METTL14: variants seen among roughly 807,000 people sequenced by gnomAD.
METTL14 encodes the protein methyltransferase 14, N6-adenosine-methyltransferase non-catalytic subunit.
In METTL14, 32 loss-of-function variants were observed where a neutral mutation model predicts 62.4. The observed-to-expected ratio is 0.51, with a 90% CI of 0.39 to 0.69. The LOEUF (loss-of-function observed/expected upper bound fraction) is 0.69. Among genes scored for constraint, METTL14 ranks in the 30% least tolerant of loss-of-function variants. METTL14 has a pLI of 0.00. For synonymous variants in METTL14, 150 were observed against 180.0 expected, an observed-to-expected ratio of 0.83 and a Z score of 1.34; for missense variants, 340 against 551.9, an observed-to-expected ratio of 0.62 and a Z score of 3.85.
In METTL14 at chr4:118,712,733, ATCAGCATG is replaced by A. The variant is rs1444655968; in HGVS notation, c.*2434_*2441del. 6.6e-6 allele frequency: 1 copy of A among 152,174 alleles called. No individual in the cohort carries two copies. Among genetic ancestry groups the A allele is most frequent in the Non-Finnish European group, 1.5e-5 (1 of 68,028 alleles). 9.4% of individuals were successfully genotyped at this position (152,174 alleles called of 1,614,324 possible). ...AATAACCTAGTTTAGAAGTTAGAAG[ATCAGCATG>A]TCTGAGTTTTTACAGAATTATAATT... On this transcript the variant is annotated 3_prime_UTR_variant, in exon 11 of 11. Transcript: ENST00000388822.
chr4:118,689,810 T>G (rs962353027), intron 3 of METTL14, among the ~76,000 whole-genome samples: 2 of 151,650 alleles, frequency 1.3e-5, no homozygotes, highest in Non-Finnish European at 2.9e-5. Flanking sequence ...CAGCTAATTT[T>G]TGTATTTTTA....
intron 5 of METTL14, among the ~76,000 whole-genome samples, 199 bp downstream of exon 5, chr4:118,692,267 C>T (rs1189155661): frequency 7.2e-6 from 1 of 138,694 alleles, no homozygotes; most frequent in Non-Finnish European, 1.5e-5. Context: ...CTGTGTTGCT[C>T]AGGCTGGAGT....
intron 7 of METTL14, among the ~76,000 whole-genome samples, chr4:118,698,482 G>T (rs1724490401): frequency 6.7e-6 from 1 of 148,842 alleles, no homozygotes; most frequent in Non-Finnish European, 1.5e-5. Context: ...AAAAAATTTT[G>T]GAAAAAGGAG....
chr4:118,697,157 C>A, intron 6 of METTL14, 25 bp from the exon 7 acceptor site: 1 of 1,548,152 alleles, frequency 6.5e-7, no homozygotes, highest in South Asian at 1.2e-5. Flanking sequence ...TTAAAAACCT[C>A]ATTTTTAATG....
Position 118,704,434 on chromosome 4 carries a change from C to T in METTL14, c.855+383C>T, listed in dbSNP as rs116098290. Among the ~76,000 whole-genome samples the T allele has an allele frequency of 9.8e-3, 1,487 of 152,304 alleles. 12 individuals are homozygous for T. The highest frequency in any genetic ancestry group is 0.015 in the Non-Finnish European group (1,035 of 68,018). On this transcript the variant is annotated intron_variant, in intron 9 of 10. Transcript: ENST00000388822. ...CTCTTCTTTCCTTCTTTTTCCTTTA[C>T]AAGAACCCCTGAGAACTTCTGTTTG...
In METTL14 at chr4:118,711,575, C is replaced by T. The variant is rs969538534; in HGVS notation, c.*1273C>T. On this transcript the variant is annotated 3_prime_UTR_variant, in exon 11 of 11. Coordinates refer to ENST00000388822, the MANE Select transcript of METTL14 (RefSeq NM_020961.4). ...ATGGCCGTTCTGTGCTCATATATAC[C>T]TAAGATGAGATTATATTACATCCAC... The T allele has an allele frequency of 1.6e-4, 25 of 152,182 alleles. No individual in the cohort carries two copies. The highest frequency in any genetic ancestry group is 5.8e-4 in the African/African-American group (24 of 41,510). The allele number at this position is 152,182 out of a possible 1,614,324, so 9.4% of individuals were successfully genotyped here. A position where few individuals can be genotyped will look rare whatever the true frequency, so the allele number is the denominator to read the frequency against.
chr4:118,698,477 A>T (rs929803844), intron 7 of METTL14, among the ~76,000 whole-genome samples: 11 of 143,096 alleles, frequency 7.7e-5, no homozygotes, highest in Admixed American at 2.8e-4. Flanking sequence ...AAAAAAAAAA[A>T]TTTTGGAAAA....
intron 5 of METTL14, among the ~76,000 whole-genome samples, chr4:118,692,679 ATACT>A (rs1185340418): frequency 6.6e-6 from 1 of 151,548 alleles, no homozygotes; most frequent in Non-Finnish European, 1.5e-5. Context: ...TATTGAGATA[ATACT>A]TACATACTGT....
chr4:118,706,946 G>A (rs1310370352), intron 10 of METTL14, among the ~76,000 whole-genome samples: 2 of 151,894 alleles, frequency 1.3e-5, no homozygotes, highest in African/African-American at 4.8e-5. Flanking sequence ...TTATTGTTGA[G>A]GTTTAAGAGT....
chr4:118,692,226 C>CTTTTTTTTTTTTTTTTTTT (rs11387432), intron 5 of METTL14, among the ~76,000 whole-genome samples, 158 bp downstream of exon 5: 1 of 131,444 alleles, frequency 7.6e-6, no homozygotes. Flanking sequence ...CTTTTCTTTT[C>CTTTTTTTTTTTTTTTTTTT]TTTTTTTTTT....
chr4:118,709,903 C>CT, intron 10 of METTL14, 95 bp from the exon 11 acceptor site: 1 of 1,204,052 alleles, frequency 8.3e-7, no homozygotes. Context: ...ATGGGGACAT[C>CT]TTTAAGAATG....
Position 118,709,752 on chromosome 4 carries a change from C to G in METTL14, c.1067-246C>G, listed in dbSNP as rs548414632. Among the ~76,000 whole-genome samples, 81 of 152,168 alleles carry G rather than the reference C, an allele frequency of 5.3e-4. 1 individual carries two copies. The South Asian group carries it at 0.016, about 30-fold the overall frequency. On this transcript the variant is annotated intron_variant, in intron 10 of 10. Transcript: ENST00000388822. ...TTTTTTTCTCTAAGTTCTATTCTCA[C>G]AAAAGATAGTACGTGGATGAGGAGG...
rs1724883408 is a variant in METTL14 at position 118,710,347 on chromosome 4, A to T, written c.*45A>T. On this transcript the variant is annotated 3_prime_UTR_variant, in exon 11 of 11. Coordinates refer to ENST00000388822, the MANE Select transcript of METTL14 (RefSeq NM_020961.4). ...TATTCATCCTCCTCTAACCTTCTTT[A>T]TTGTAATTAAATTTCAAGTGGGAGA... The T allele has an allele frequency of 6.6e-7, 1 of 1,515,324 alleles. No individual in the cohort carries two copies. The highest frequency in any genetic ancestry group is 1.3e-5 in the South Asian group (1 of 75,880). 93.9% of individuals were successfully genotyped at this position (1,515,324 alleles called of 1,614,324 possible). A position where few individuals can be genotyped will look rare whatever the true frequency, so the allele number is the denominator to read the frequency against.
chr4:118,702,547 G>A (rs371388053), intron 8 of METTL14, among the ~76,000 whole-genome samples: 15 of 152,154 alleles, frequency 9.9e-5, no homozygotes, highest in Middle Eastern at 6.8e-3. Flanking sequence ...AGACAGAGGC[G>A]GGCAGATCAC....
intron 1 of METTL14, among the ~76,000 whole-genome samples, chr4:118,686,268 C>T (rs1398138813): frequency 6.6e-6 from 1 of 152,182 alleles, no homozygotes; most frequent in African/African-American, 2.4e-5. Context: ...GGTTTGTCTC[C>T]CCAAAGCTTG....
chr4:118,700,207 C>T (rs1724547208), intron 7 of METTL14, among the ~76,000 whole-genome samples: 1 of 152,012 alleles, frequency 6.6e-6, no homozygotes, highest in African/African-American at 2.4e-5. Flanking sequence ...GTGCTTCATT[C>T]TTTTTCAGTA....
intron 2 of METTL14, among the ~76,000 whole-genome samples, chr4:118,688,861 A>G (rs898917356): frequency 1.9e-4 from 29 of 152,088 alleles, no homozygotes; most frequent in Non-Finnish European, 4.1e-4. Context: ...TTTAGTAAAC[A>G]TGGGGTTTCA....
chr4:118,703,129 C>T (rs1163656745), intron 8 of METTL14, among the ~76,000 whole-genome samples: 1 of 152,050 alleles, frequency 6.6e-6, no homozygotes, highest in African/African-American at 2.4e-5. Context: ...CCTGCCTCTA[C>T]TATATCTTGA....
chr4:118,685,647 G>A (rs1368998204), intron 1 of METTL14, 47 bp downstream of exon 1: 9 of 1,556,882 alleles, frequency 5.8e-6, no homozygotes, highest in Admixed American at 5.2e-5. Flanking sequence ...GAATGCGAGT[G>A]CGCGGCCGCC....
Sources: gnomAD v4.1 joint callset for allele counts (sites outside exome capture counted in the v4.1 genomes callset) on GRCh38, gnomAD v4.1.1 for gene constraint, MANE v1.5 for transcripts, NCBI Gene and HGNC (gene_info 2026-07-23, HGNC 2026-07-21) for gene names.